Variants in DNAH14 observed in about 807,000 individuals in gnomAD.
DNAH14 encodes dynein axonemal heavy chain 14.
A neutral mutation model predicts 520.9 loss-of-function variants in DNAH14; 478 were observed. The ratio of observed to expected loss-of-function variants is 0.92; its 90% CI spans 0.85 to 0.99. The LOEUF is 0.99. DNAH14 is among the 50% of genes least tolerant of loss of function. DNAH14 has a pLI of 0.00. For missense variants in DNAH14, 4,831 were observed against 5,234.5 expected (o/e 0.92, Z 2.38); for synonymous variants, 1,581 against 1,757.2 (o/e 0.90, Z 2.51).
chr1:225,062,835 T>A (rs1452546740), intron 17 of DNAH14, among the ~76,000 whole-genome samples: 1 of 152,158 alleles, frequency 6.6e-6, no homozygotes, highest in East Asian at 1.9e-4. Flanking sequence ...CTCAAAGAGA[T>A]CAAATTGTTC....
intron 52 of DNAH14, among the ~76,000 whole-genome samples, 174 bp downstream of exon 52, chr1:225,273,299 A>G (rs2093364050): frequency 6.6e-6 from 1 of 152,058 alleles, no homozygotes; most frequent in African/African-American, 2.4e-5. Flanking sequence ...GGGCGTGGTG[A>G]TGGGCGCCTG....
rs1193208378 is a variant in DNAH14 at position 224,960,234 on chromosome 1, G to GA, written c.305dup (p.Asp103GlyfsTer10). ...CTTAAGGAGAAAGGGAAGTCAAGGA[G>GA]AAAAAAGGATCAAACTCATGCTTGT... On this transcript the variant is annotated frameshift_variant, in exon 4 of 86. Transcript: ENST00000682510. LOFTEE classifies it high-confidence loss of function. 6.2e-7 allele frequency: 1 copy of GA among 1,611,072 alleles called. No individual in the cohort carries two copies. The highest frequency in any genetic ancestry group is 1.1e-5 in the South Asian group (1 of 90,648).
intron 36 of DNAH14, among the ~76,000 whole-genome samples, chr1:225,181,998 C>T (rs2084075172): frequency 6.6e-6 from 1 of 152,172 alleles, no homozygotes; most frequent in East Asian, 1.9e-4. Flanking sequence ...ACCAGCATGG[C>T]CAACATGGTG....
intron 7 of DNAH14, 23 bp downstream of exon 7, chr1:224,968,897 A>C: frequency 2.0e-6 from 3 of 1,485,420 alleles, no homozygotes; most frequent in Non-Finnish European, 2.7e-6. Flanking sequence ...AAATGAAACC[A>C]ATTCTTTGTA....
At chr1:225,116,851 C>T (rs933288859) in intron 23 of DNAH14, among the ~76,000 whole-genome samples, 41 of 152,148 alleles carry the variant, frequency 2.7e-4, no homozygotes, top group African/African-American at 9.9e-4. Context: ...GAAAAGCTCT[C>T]AGTAAATTTG....
intron 73 of DNAH14, among the ~76,000 whole-genome samples, chr1:225,356,003 A>G (rs1395161641): frequency 6.6e-6 from 1 of 152,160 alleles, no homozygotes; most frequent in Non-Finnish European, 1.5e-5. Context: ...TTCAAAGTTC[A>G]TCCATGTTGT....
In DNAH14 at chr1:225,270,743, A is replaced by G; in HGVS notation, c.7548A>G (p.Gln2516=). The G allele has an allele frequency of 6.4e-7, 1 of 1,551,038 alleles. No homozygotes were observed. Among genetic ancestry groups the G allele is most frequent in the African/African-American group, 1.4e-5 (1 of 73,156 alleles). ...TTTTATCCTTATCACAGAATATTCA[A>G]GATCTGTCTATAGTTGCAGCTTGTG... ...DTEKNTWKNI[Q]DLSIVAACVP... The change falls in exon 50 of 86, where the codon CAA becomes CAG. Residue 2516 remains glutamine, a synonymous_variant. Transcript: ENST00000682510.
chr1:224,933,151 G>A (rs1037477854), intron 1 of DNAH14, among the ~76,000 whole-genome samples: 1 of 151,772 alleles, frequency 6.6e-6, no homozygotes, highest in Non-Finnish European at 1.5e-5. Flanking sequence ...TTACCTCCTT[G>A]GTTAAATTTA....
intron 41 of DNAH14, among the ~76,000 whole-genome samples, chr1:225,213,413 C>T (rs983122353): frequency 6.6e-6 from 1 of 152,044 alleles, no homozygotes; most frequent in Non-Finnish European, 1.5e-5. Flanking sequence ...TCCATATGAA[C>T]TTTGAAGTAG....
rs2060255908 is a variant in DNAH14 at position 224,952,702 on chromosome 1, T to C, written c.-1T>C. ...CTTTATAGTTTTGTTCAGAAAAACATATGGAGACGTTTATACCCATTGATT... is the reference window on the plus strand; with the variant it reads ...CTTTATAGTTTTGTTCAGAAAAACACATGGAGACGTTTATACCCATTGATT... On this transcript the variant is annotated 5_prime_UTR_variant, in exon 2 of 86. Transcript: ENST00000682510. 1.3e-6 allele frequency: 2 copies of C among 1,579,298 alleles called. No homozygotes were observed. Among genetic ancestry groups the C allele is most frequent in the Non-Finnish European group, 1.7e-6 (2 of 1,167,658 alleles).
intron 8 of DNAH14, among the ~76,000 whole-genome samples, chr1:224,976,645 AAAAC>A (rs774533119): frequency 1.1e-4 from 17 of 151,380 alleles, no homozygotes; most frequent in Non-Finnish European, 1.9e-4. Flanking sequence ...TTACAAGAAA[AAAAC>A]AAACAACCCC....
chr1:224,998,373 T>C (rs1038180696), intron 8 of DNAH14, among the ~76,000 whole-genome samples: 9 of 152,168 alleles, frequency 5.9e-5, no homozygotes, highest in African/African-American at 1.9e-4. Flanking sequence ...GCCTAGATTA[T>C]TGATTTCGCA....
intron 3 of DNAH14, among the ~76,000 whole-genome samples, chr1:224,955,714 C>T (rs945571218): frequency 2.3e-4 from 35 of 152,268 alleles, no homozygotes; most frequent in African/African-American, 5.3e-4. Context: ...CTCTGGAGCT[C>T]CGCTTCTGCC....
intron 41 of DNAH14, among the ~76,000 whole-genome samples, chr1:225,208,801 G>C (rs1457402310): frequency 6.6e-6 from 1 of 152,016 alleles, no homozygotes; most frequent in Non-Finnish European, 1.5e-5. Context: ...TATTCTCTTT[G>C]TGTTTCTGTT....
rs1248013237 is a variant in DNAH14 at position 225,398,601 on chromosome 1, C to T, written c.13573C>T (p.Leu4525=). 1 of 1,551,764 alleles carries T rather than the reference C, an allele frequency of 6.4e-7. No individual in the cohort carries two copies. The highest frequency in any genetic ancestry group is 1.2e-5 in the South Asian group (1 of 84,070). Reference sequence around the variant, plus strand: ...AAGATGGAATCGTGAACAGAAAATACTGGAAGACTCGCTGCCTCTGGAGAT... The same window carrying T: ...AAGATGGAATCGTGAACAGAAAATATTGGAAGACTCGCTGCCTCTGGAGAT... ...GARWNREQKI[L]EDSLPLEMCC... The change falls in exon 85 of 86, where the codon CTG becomes TTG. Residue 4525 remains leucine, a synonymous_variant. Transcript: ENST00000682510.
chr1:225,229,874 C>A (rs1344494894), intron 41 of DNAH14, among the ~76,000 whole-genome samples: 1 of 152,042 alleles, frequency 6.6e-6, no homozygotes, highest in East Asian at 1.9e-4. Context: ...ATGTAACAAA[C>A]CTGCACATTC....
intron 41 of DNAH14, among the ~76,000 whole-genome samples, chr1:225,215,503 G>C (rs1419428978): frequency 6.6e-6 from 1 of 152,158 alleles, no homozygotes; most frequent in Non-Finnish European, 1.5e-5. Flanking sequence ...TGTTGACAGT[G>C]GGGTGTTAAA....
intron 11 of DNAH14, chr1:225,024,371 T>C: frequency 2.0e-6 from 1 of 506,666 alleles, no homozygotes; most frequent in Non-Finnish European, 2.6e-6. Context: ...TTTTACCTTC[T>C]AAACACTACT....
chr1:225,352,623 T>C (rs1489873549), intron 72 of DNAH14, among the ~76,000 whole-genome samples: 2 of 151,980 alleles, frequency 1.3e-5, no homozygotes, highest in Non-Finnish European at 2.9e-5. Context: ...GGAGTATTGA[T>C]TTTTTTTAAA....
Sources: gnomAD v4.1 joint callset for allele counts (sites outside exome capture counted in the v4.1 genomes callset) on GRCh38, gnomAD v4.1.1 for gene constraint, MANE v1.5 for transcripts, NCBI Gene and HGNC (gene_info 2026-07-23, HGNC 2026-07-21) for gene names.